Variants in PLA2G4C observed in about 807,000 individuals in gnomAD.
PLA2G4C encodes cytosolic phospholipase A2 gamma.
PLA2G4C carries 64 observed loss-of-function variants against 73.8 expected under a neutral mutation model. The observed-to-expected ratio is 0.87, with a 90% CI of 0.71 to 1.07. PLA2G4C has a LOEUF of 1.07. Ranked by LOEUF, PLA2G4C falls within the 50% of genes least tolerant of loss-of-function variation. The pLI, the probability that PLA2G4C is intolerant of heterozygous loss-of-function variation, is 0.00. For synonymous variants in PLA2G4C, 254 were observed against 252.1 expected, an observed-to-expected ratio of 1.01 and a Z score of -0.07; for missense variants, 622 against 665.4, an observed-to-expected ratio of 0.93 and a Z score of 0.72.
At chr19:48,080,499 C>A (rs2030476898) in intron 10 of PLA2G4C, among the ~76,000 whole-genome samples, 1 of 152,048 alleles carries the variant, frequency 6.6e-6, no homozygotes, top group Non-Finnish European at 1.5e-5. Context: ...AAAGGAAAGG[C>A]AGCCATTATA....
At position 48,052,627 on chromosome 19, in the gene PLA2G4C, T is replaced by A. The variant is rs138312026; in HGVS notation, c.1580+370A>T. On this transcript the variant is annotated intron_variant, in intron 16 of 16. Coordinates refer to ENST00000599921, the MANE Select transcript of PLA2G4C (RefSeq NM_003706.3). ...ACAGCAGTGTGAAAACGGACCAATA[T>A]ACACGGAGACAAGCGTGGAACAAAT... 3.7e-4 allele frequency among the ~76,000 whole-genome samples: 57 copies of A among 152,208 alleles called. 1 individual carries two copies. The highest frequency in any genetic ancestry group is 1.2e-3 in the African/African-American group (51 of 41,526).
chr19:48,107,676 T>C (rs1291139643), intron 1 of PLA2G4C, among the ~76,000 whole-genome samples: 1 of 152,134 alleles, frequency 6.6e-6, no homozygotes, highest in Admixed American at 6.5e-5. Flanking sequence ...GCCTGAGTGA[T>C]GTCAGGCCCG....
At chr19:48,079,922 C>T (rs1421368890) in intron 10 of PLA2G4C, among the ~76,000 whole-genome samples, 1 of 152,212 alleles carries the variant, frequency 6.6e-6, no homozygotes, top group Non-Finnish European at 1.5e-5. Flanking sequence ...GATCGTGCTG[C>T]TGCACTGAAG....
In PLA2G4C at chr19:48,095,490, G is replaced by A; in HGVS notation, c.683C>T (p.Pro228Leu). Residue 228 changes from proline to leucine, a missense_variant, in exon 7 of 17, where the codon CCT becomes CTT. By Grantham distance (98) the Pro-to-Leu change is moderately conservative (BLOSUM62 -3). Coordinates refer to ENST00000599921, the MANE Select transcript of PLA2G4C (RefSeq NM_003706.3). ...FKKGRLVRTH[P>L]ERDLTFLRGL... ...TCTCAGGAAAGTCAGGTCTCTCTCAGGGTGAGTTCTGACCAGTCTTCCCTT... is the reference window on the plus strand; with the variant it reads ...TCTCAGGAAAGTCAGGTCTCTCTCAAGGTGAGTTCTGACCAGTCTTCCCTT... 6.2e-7 allele frequency: 1 copy of A among 1,614,074 alleles called. No homozygotes were observed. Among genetic ancestry groups the A allele is most frequent in the Non-Finnish European group, 8.5e-7 (1 of 1,180,010 alleles).
chr19:48,061,968 A>G (rs1968195348), intron 14 of PLA2G4C, 30 bp downstream of exon 14: 4 of 1,611,262 alleles, frequency 2.5e-6, no homozygotes, highest in Non-Finnish European at 2.5e-6. Flanking sequence ...CCTCCCACCC[A>G]GGACCGGCCC....
chr19:48,069,990 G>A (rs1172914739), intron 12 of PLA2G4C, among the ~76,000 whole-genome samples: 1 of 151,846 alleles, frequency 6.6e-6, no homozygotes, highest in Non-Finnish European at 1.5e-5. Flanking sequence ...GGCTGGTCTC[G>A]AACTCCTGAC....
chr19:48,093,754 C>T (rs746893087), intron 7 of PLA2G4C, among the ~76,000 whole-genome samples: 3 of 152,118 alleles, frequency 2.0e-5, no homozygotes, highest in South Asian at 2.1e-4. Context: ...CCAAATCTCT[C>T]GAGTTGTAAT....
At chr19:48,082,496 C>CTTTTTTTTTTTTTTTTT (rs66641645) in intron 10 of PLA2G4C, among the ~76,000 whole-genome samples, 1 of 106,278 alleles carries the variant, frequency 9.4e-6, no homozygotes, top group African/African-American at 3.8e-5. Context: ...TTCTTTCTTT[C>CTTTTTTTTTTTTTTTTT]TTTTTTTTTT....
At chr19:48,077,327 A>G (rs2030232417) in intron 11 of PLA2G4C, among the ~76,000 whole-genome samples, 1 of 152,120 alleles carries the variant, frequency 6.6e-6, no homozygotes. Context: ...TCAAGAACTC[A>G]ACCCCTTTTA....
chr19:48,059,038 C>A (rs561652934), intron 14 of PLA2G4C, among the ~76,000 whole-genome samples: 1 of 151,406 alleles, frequency 6.6e-6, no homozygotes, highest in African/African-American at 2.4e-5. Context: ...TTTGGGAGGC[C>A]GAGGCGGGCA....
chr19:48,104,113 C>A (rs442701), intron 4 of PLA2G4C: 48,843 of 154,302 alleles, frequency 0.32, 11,358 homozygotes, highest in African/African-American at 0.66. Flanking sequence ...TATGTTGCCC[C>A]GCCTGGGTCT....
intron 15 of PLA2G4C, among the ~76,000 whole-genome samples, chr19:48,053,808 G>A (rs1013542332): frequency 4.6e-5 from 7 of 152,124 alleles, no homozygotes; most frequent in Non-Finnish European, 5.9e-5. Flanking sequence ...GAGTCTCATC[G>A]CAGGAGACAC....
rs544287174 is a variant in PLA2G4C at position 48,101,126 on chromosome 19, A to ATTTTTTT, written c.258-1273_258-1267dup. On this transcript the variant is annotated intron_variant, in intron 4 of 16. Transcript: ENST00000599921. ...AGTCTATATATATATATATATATAT[A>ATTTTTTT]TTTTTTTTTTTTTTTTTGAGACAGG... 8.2e-4 allele frequency among the ~76,000 whole-genome samples: 61 copies of ATTTTTTT among 74,128 alleles called. 1 individual carries two copies. Among genetic ancestry groups the ATTTTTTT allele is most frequent in the African/African-American group, 3.5e-3 (55 of 15,586 alleles). 48.6% of individuals were successfully genotyped at this position (74,128 alleles called of 152,430 possible).
In PLA2G4C at chr19:48,098,254, C is replaced by T. The variant is rs370492295; in HGVS notation, c.453G>A (p.Pro151=). ...MVISKQTREL[P]ESHLSNMKKP... Reference sequence around the variant, plus strand: ...TCTTCATATTGGACAAATGAGACTCCGGCAGCTTTGGGAGAAGGTGCCAAG... The same window carrying T: ...TCTTCATATTGGACAAATGAGACTCTGGCAGCTTTGGGAGAAGGTGCCAAG... The change falls in exon 6 of 17, where the codon CCG becomes CCA. Residue 151 remains proline, a synonymous_variant. Coordinates refer to ENST00000599921, the MANE Select transcript of PLA2G4C (RefSeq NM_003706.3). 32 of 1,611,500 alleles carry T rather than the reference C, an allele frequency of 2.0e-5. No individual in the cohort carries two copies. Among genetic ancestry groups the T allele is most frequent in the East Asian group, 2.2e-5 (1 of 44,676 alleles).
chr19:48,086,413 A>T (rs936782029), intron 9 of PLA2G4C, among the ~76,000 whole-genome samples: 1 of 152,118 alleles, frequency 6.6e-6, no homozygotes, highest in South Asian at 2.1e-4. Flanking sequence ...TTATCAGCAC[A>T]TGGGTCTGAA....
intron 11 of PLA2G4C, among the ~76,000 whole-genome samples, 177 bp downstream of exon 11, chr19:48,077,594 G>A (rs1052909383): frequency 5.9e-5 from 9 of 152,132 alleles, no homozygotes; most frequent in Non-Finnish European, 1.3e-4. Context: ...TTTGAACTCC[G>A]ATCCTGCCCC....
intron 9 of PLA2G4C, among the ~76,000 whole-genome samples, chr19:48,086,088 A>G (rs868794088): frequency 5.9e-5 from 9 of 152,184 alleles, no homozygotes; most frequent in Admixed American, 1.3e-4. Flanking sequence ...CTCCACCCAC[A>G]TGGGGTGAAT....
At position 48,084,248 on chromosome 19, in the gene PLA2G4C, C is replaced by T. The variant is rs183062268; in HGVS notation, c.844+811G>A. ...CTAATTTTTGTATTTTTAGTAGAGA[C>T]GCATTTTCACCATGTTACCCAGCTT... On this transcript the variant is annotated intron_variant, in intron 10 of 16. Transcript: ENST00000599921. Among the ~76,000 whole-genome samples, 39 of 152,146 alleles carry T rather than the reference C, an allele frequency of 2.6e-4. No individual in the cohort carries two copies. In the South Asian group the frequency reaches 7.0e-3, roughly 27 times the overall value.
chr19:48,101,126 A>ATATATATATATATATAT (rs1491313107), intron 4 of PLA2G4C, among the ~76,000 whole-genome samples: 1 of 74,130 alleles, frequency 1.3e-5, no homozygotes, highest in African/African-American at 6.4e-5. Flanking sequence ...ATATATATAT[A>ATATATATATATATATAT]TTTTTTTTTT....
Sources: allele counts gnomAD v4.1 joint callset (sites outside exome capture counted in the v4.1 genomes callset), GRCh38; gene constraint gnomAD v4.1.1; transcripts MANE v1.5; gene names NCBI Gene and HGNC (gene_info 2026-07-23, HGNC 2026-07-21).